FGF14: variants seen among roughly 807,000 people sequenced by gnomAD.
FGF14 encodes fibroblast growth factor 14.
FGF14 carries 5 observed loss-of-function variants against 25.5 expected under a neutral mutation model. The ratio of observed to expected loss-of-function variants is 0.20; its 90% CI spans 0.10 to 0.41. The LOEUF (loss-of-function observed/expected upper bound fraction) is 0.41. FGF14 is among the 10% of genes least tolerant of loss of function. FGF14 has a pLI of 1.00. For missense variants in FGF14, 222 were observed against 320.1 expected, an observed-to-expected ratio of 0.69 and a Z score of 2.34; for synonymous variants, 138 against 118.3, an observed-to-expected ratio of 1.17 and a Z score of -1.08.
At chr13:102,188,613 T>C (rs2048965597) in intron 1 of FGF14, among the ~76,000 whole-genome samples, 1 of 152,128 alleles carries the variant, frequency 6.6e-6, no homozygotes, top group African/African-American at 2.4e-5. Context: ...TAATTACTAC[T>C]TTTAATATAT....
chr13:102,324,264 A>G (rs1254016002), intron 1 of FGF14, among the ~76,000 whole-genome samples: 1 of 152,052 alleles, frequency 6.6e-6, no homozygotes, highest in African/African-American at 2.4e-5. Flanking sequence ...CACTAATAAG[A>G]GCCTCATATG....
intron 1 of FGF14, among the ~76,000 whole-genome samples, chr13:102,375,756 A>G (rs1238533509): frequency 6.6e-6 from 1 of 152,206 alleles, no homozygotes; most frequent in Non-Finnish European, 1.5e-5. Flanking sequence ...CAGCAATTAA[A>G]GTATCAATAA....
chr13:102,064,677 T>C, intron 1 of FGF14, among the ~76,000 whole-genome samples: 1 of 152,056 alleles, frequency 6.6e-6, no homozygotes, highest in East Asian at 1.9e-4. Context: ...TATTCCTGGG[T>C]TCTGCATCTG....
intron 1 of FGF14, among the ~76,000 whole-genome samples, chr13:102,105,225 T>A (rs1225038848): frequency 6.6e-6 from 1 of 152,208 alleles, no homozygotes; most frequent in Non-Finnish European, 1.5e-5. Context: ...AGGTTAGAGT[T>A]TCACATTGTG....
intron 1 of FGF14, among the ~76,000 whole-genome samples, chr13:102,345,679 AG>A (rs1438342168): frequency 6.6e-6 from 1 of 152,248 alleles, no homozygotes; most frequent in Non-Finnish European, 1.5e-5. Flanking sequence ...TGAACATTTC[AG>A]GGAGGCAGTA....
At chr13:102,191,009 G>T (rs1388556529) in intron 1 of FGF14, among the ~76,000 whole-genome samples, 1 of 152,084 alleles carries the variant, frequency 6.6e-6, no homozygotes, top group Non-Finnish European at 1.5e-5. Context: ...CCAACCAAAG[G>T]AGAGGGAAAA....
At chr13:101,751,397 G>A (rs917879874) in intron 3 of FGF14, among the ~76,000 whole-genome samples, 1 of 152,134 alleles carries the variant, frequency 6.6e-6, no homozygotes, top group Non-Finnish European at 1.5e-5. Flanking sequence ...AATTAAAAGA[G>A]AAATTTGACT....
intron 1 of FGF14, among the ~76,000 whole-genome samples, chr13:102,029,023 G>A (rs182983876): frequency 3.9e-5 from 6 of 152,054 alleles, no homozygotes; most frequent in East Asian, 2.0e-4. Flanking sequence ...ACAGCTCATC[G>A]GTACAGAAAT....
chr13:101,740,943 G>A (rs1457732079), intron 3 of FGF14, among the ~76,000 whole-genome samples: 4 of 152,136 alleles, frequency 2.6e-5, no homozygotes, highest in Non-Finnish European at 1.5e-5. Context: ...AATTTGAGGG[G>A]CAAAGGTCCT....
intron 3 of FGF14, among the ~76,000 whole-genome samples, chr13:101,862,658 T>A (rs2044481836): frequency 6.6e-6 from 1 of 152,166 alleles, no homozygotes; most frequent in Non-Finnish European, 1.5e-5. Context: ...ATTCTGTGCA[T>A]CAATATTCAA....
At chr13:101,886,504 A>G (rs147949285) in intron 1 of FGF14, among the ~76,000 whole-genome samples, 260 of 152,290 alleles carry the variant, frequency 1.7e-3, no homozygotes, top group African/African-American at 6.1e-3. Flanking sequence ...GCAAAACCAT[A>G]GATCCCCATC....
intron 3 of FGF14, among the ~76,000 whole-genome samples, chr13:101,821,358 TGTGTGTATCAATA>T (rs2042147316): frequency 6.6e-6 from 1 of 152,220 alleles, no homozygotes. Flanking sequence ...TCTGAGTTCT[TGTGTGTATCAATA>T]GTGTGTTACT....
At chr13:101,842,422 ATCC>A (rs1320325337) in intron 3 of FGF14, among the ~76,000 whole-genome samples, 1 of 152,006 alleles carries the variant, frequency 6.6e-6, no homozygotes, top group African/African-American at 2.4e-5. Flanking sequence ...AAAAATAAAG[ATCC>A]TCTTCAACAC....
At chr13:102,267,090 T>C (rs1173903833) in intron 1 of FGF14, among the ~76,000 whole-genome samples, 1 of 152,198 alleles carries the variant, frequency 6.6e-6, no homozygotes, top group African/African-American at 2.4e-5. Context: ...TAACTGAAGA[T>C]TCTAGTGAAG....
chr13:102,288,023 A>G (rs895506924), intron 1 of FGF14, among the ~76,000 whole-genome samples: 1 of 152,242 alleles, frequency 6.6e-6, no homozygotes. Flanking sequence ...ATCAGAGAAT[A>G]AAGTAGTCTT....
chr13:101,872,308 A>G (rs552237429), intron 2 of FGF14, among the ~76,000 whole-genome samples: 46 of 151,274 alleles, frequency 3.0e-4, no homozygotes, highest in Non-Finnish European at 6.1e-4. Context: ...CAGTATGTTT[A>G]TGAATGATTA....
chr13:102,092,556 G>T (rs1320650785), intron 1 of FGF14, among the ~76,000 whole-genome samples: 3 of 152,116 alleles, frequency 2.0e-5, no homozygotes, highest in African/African-American at 7.2e-5. Context: ...AAGTCTCAAA[G>T]TCTAAGTTAT....
At chr13:102,304,755 C>A (rs1238088978) in intron 1 of FGF14, among the ~76,000 whole-genome samples, 2 of 152,144 alleles carry the variant, frequency 1.3e-5, no homozygotes, top group Admixed American at 6.5e-5. Context: ...ACTGAGGCCT[C>A]CTGCCAACAA....
intron 3 of FGF14, among the ~76,000 whole-genome samples, chr13:101,810,203 C>T (rs1239709288): frequency 2.6e-5 from 4 of 152,144 alleles, no homozygotes; most frequent in East Asian, 1.9e-4. Context: ...TTTTCTAGTT[C>T]GCTGTTGAGC....
Sources: gnomAD v4.1 joint callset for allele counts (sites outside exome capture counted in the v4.1 genomes callset) on GRCh38, gnomAD v4.1.1 for gene constraint, MANE v1.5 for transcripts, NCBI Gene and HGNC (gene_info 2026-07-23, HGNC 2026-07-21) for gene names.